The following WWTR1 variants were observed in gnomAD, a reference collection of about 807,000 sequenced individuals.
WWTR1 encodes WW domain-containing transcription regulator protein 1.
Under a neutral mutation model 40.1 loss-of-function variants are expected in WWTR1, and 13 were observed. That is an observed-to-expected ratio of 0.32 (90% CI 0.21 to 0.52). The LOEUF is 0.52. Among genes scored for constraint, WWTR1 ranks in the 20% least tolerant of loss-of-function variants. WWTR1 has a pLI of 0.97. For missense variants in WWTR1, 436 were observed against 523.1 expected, an observed-to-expected ratio of 0.83 and a Z score of 1.63; for synonymous variants, 230 against 210.1, an observed-to-expected ratio of 1.09 and a Z score of -0.82.
chr3:149,696,753 T>A (rs1360144917), intron 1 of WWTR1, among the ~76,000 whole-genome samples: 1 of 152,126 alleles, frequency 6.6e-6, no homozygotes, highest in African/African-American at 2.4e-5. Context: ...GTTTTTGAAT[T>A]CATTCTCCAT....
At chr3:149,669,214 T>A (rs1713969245) in intron 2 of WWTR1, among the ~76,000 whole-genome samples, 1 of 152,074 alleles carries the variant, frequency 6.6e-6, no homozygotes, top group Non-Finnish European at 1.5e-5. Flanking sequence ...AATACACATA[T>A]ACAATATACC....
intron 2 of WWTR1, among the ~76,000 whole-genome samples, chr3:149,637,946 G>A (rs1711929547): frequency 6.6e-6 from 1 of 152,228 alleles, no homozygotes; most frequent in African/African-American, 2.4e-5. Flanking sequence ...ACCAGGCACG[G>A]TGGCTCACGC....
intron 2 of WWTR1, among the ~76,000 whole-genome samples, chr3:149,638,253 G>C (rs574102383): frequency 6.6e-6 from 1 of 152,032 alleles, no homozygotes; most frequent in Non-Finnish European, 1.5e-5. Flanking sequence ...GGCATGCAGT[G>C]GCCGTGAGCA....
chr3:149,616,578 G>A (rs994938363), intron 2 of WWTR1, among the ~76,000 whole-genome samples: 1 of 151,300 alleles, frequency 6.6e-6, no homozygotes, highest in African/African-American at 2.4e-5. Context: ...GAGTAGCTGG[G>A]ATTACAGGGA....
chr3:149,565,331 G>A (rs1473852792), intron 3 of WWTR1, among the ~76,000 whole-genome samples: 2 of 150,052 alleles, frequency 1.3e-5, no homozygotes, highest in Non-Finnish European at 1.5e-5. Flanking sequence ...GGAAAATTGT[G>A]GCATCAGACA....
At chr3:149,688,902 C>T (rs1247123293) in intron 1 of WWTR1, among the ~76,000 whole-genome samples, 1 of 151,852 alleles carries the variant, frequency 6.6e-6, no homozygotes, top group African/African-American at 2.4e-5. Flanking sequence ...CAAGGTAACA[C>T]AGAAAAGGAA....
At chr3:149,554,828 G>C (rs900872702) in intron 3 of WWTR1, among the ~76,000 whole-genome samples, 1 of 152,192 alleles carries the variant, frequency 6.6e-6, no homozygotes, top group African/African-American at 2.4e-5. Flanking sequence ...CACCTCTATG[G>C]AGTTAGTGAA....
At chr3:149,604,270 C>G (rs1739388671) in intron 2 of WWTR1, among the ~76,000 whole-genome samples, 1 of 152,142 alleles carries the variant, frequency 6.6e-6, no homozygotes, top group Non-Finnish European at 1.5e-5. Flanking sequence ...AGGCCTCATT[C>G]CCTGTGACAG....
upstream of WWTR1, chr3:149,703,364 G>T (rs1049921386): frequency 1.1e-4 from 16 of 152,200 alleles, no homozygotes; most frequent in African/African-American, 3.9e-4. Context: ...CAACCCAAAA[G>T]GGTTTTGCCA....
chr3:149,620,139 T>C (rs1740200304), intron 2 of WWTR1, among the ~76,000 whole-genome samples: 1 of 152,216 alleles, frequency 6.6e-6, no homozygotes, highest in South Asian at 2.1e-4. Flanking sequence ...AGTTTAGAGA[T>C]GTTGCAAAAC....
chr3:149,541,836 A>G (rs570603665), intron 4 of WWTR1, among the ~76,000 whole-genome samples: 35 of 152,028 alleles, frequency 2.3e-4, no homozygotes, highest in African/African-American at 7.7e-4. Flanking sequence ...CCTCACCATC[A>G]TGCCACCCAC....
chr3:149,604,260 AG>A (rs767642354), intron 2 of WWTR1, among the ~76,000 whole-genome samples: 11 of 152,194 alleles, frequency 7.2e-5, no homozygotes, highest in Non-Finnish European at 1.3e-4. Flanking sequence ...ACAATGGCTG[AG>A]GCCTCATTCC....
chr3:149,666,074 G>A (rs1396438378), intron 2 of WWTR1, among the ~76,000 whole-genome samples: 6 of 152,126 alleles, frequency 3.9e-5, no homozygotes. Flanking sequence ...AACATTTATT[G>A]TTTGACAATT....
intron 1 of WWTR1, among the ~76,000 whole-genome samples, chr3:149,675,331 T>C (rs1324149609): frequency 1.3e-5 from 2 of 152,220 alleles, no homozygotes; most frequent in Non-Finnish European, 2.9e-5. Flanking sequence ...TCTTTATTCA[T>C]ATTACACATA....
At chr3:149,633,040 C>T (rs1463612232) in intron 2 of WWTR1, among the ~76,000 whole-genome samples, 1 of 152,132 alleles carries the variant, frequency 6.6e-6, no homozygotes, top group African/African-American at 2.4e-5. Context: ...TTGAATTACA[C>T]ACTTAAAATG....
intron 3 of WWTR1, among the ~76,000 whole-genome samples, chr3:149,550,919 GT>G (rs112937949): frequency 0.01 from 1,442 of 138,268 alleles, 194 homozygotes; most frequent in African/African-American, 0.034. Context: ...CTATCTTTTA[GT>G]TTTTTTTTTT....
chr3:149,721,466 C>T (rs1240029895), intron 4 of WWTR1, among the ~76,000 whole-genome samples: 3 of 152,082 alleles, frequency 2.0e-5, no homozygotes, highest in Admixed American at 6.6e-5. Context: ...TTAGCCATAG[C>T]GTATAATCTT....
At chr3:149,642,754 G>A (rs144515043) in intron 2 of WWTR1, among the ~76,000 whole-genome samples, 2,264 of 148,120 alleles carry the variant, frequency 0.015, 37 homozygotes, top group East Asian at 0.086. Context: ...CAGCCTGGGC[G>A]ACAGAGTGAG....
chr3:149,649,436 T>C (rs190285225), intron 2 of WWTR1, among the ~76,000 whole-genome samples: 90 of 152,366 alleles, frequency 5.9e-4, no homozygotes, highest in African/African-American at 1.9e-3. Context: ...AAGGTGGTGT[T>C]TGTGCCAGGC....
Sources: gnomAD v4.1 joint callset for allele counts (sites outside exome capture counted in the v4.1 genomes callset) on GRCh38, gnomAD v4.1.1 for gene constraint, MANE v1.5 for transcripts, NCBI Gene and HGNC (gene_info 2026-07-23, HGNC 2026-07-21) for gene names.